Variants in PPP6R3 observed in about 807,000 individuals in gnomAD.
PPP6R3 encodes protein phosphatase 6 regulatory subunit 3, also known as serine/threonine-protein phosphatase 6 regulatory subunit 3.
PPP6R3 carries 38 observed loss-of-function variants against 110.7 expected under a neutral mutation model. That is an observed-to-expected ratio of 0.34 (90% CI 0.26 to 0.45). The LOEUF (loss-of-function observed/expected upper bound fraction) is 0.45. Ranked by LOEUF, PPP6R3 falls within the 20% of genes least tolerant of loss-of-function variation. PPP6R3 has a pLI of 1.00. For synonymous variants in PPP6R3, 369 were observed against 373.5 expected, an observed-to-expected ratio of 0.99 and a Z score of 0.14; for missense variants, 870 against 1,062.4, an observed-to-expected ratio of 0.82 and a Z score of 2.52.
chr11:68,488,004 C>G (rs1029284817), intron 1 of PPP6R3, among the ~76,000 whole-genome samples: 1 of 152,190 alleles, frequency 6.6e-6, no homozygotes, highest in Non-Finnish European at 1.5e-5. Context: ...TTCTCCCTTG[C>G]AGTTCTATCA....
chr11:68,546,496 C>G (rs564074095), intron 4 of PPP6R3, among the ~76,000 whole-genome samples: 2 of 152,222 alleles, frequency 1.3e-5, no homozygotes, highest in Non-Finnish European at 2.9e-5. Context: ...TTGCTTGTTA[C>G]ACTTCCCTGT....
intron 1 of PPP6R3, among the ~76,000 whole-genome samples, chr11:68,509,498 C>G (rs980318329): frequency 7.7e-6 from 1 of 129,626 alleles, no homozygotes; most frequent in Non-Finnish European, 1.7e-5. Flanking sequence ...TTACCAAGTC[C>G]TGCTTAATTT....
At chr11:68,599,941 G>A (rs1211711998) in intron 19 of PPP6R3, among the ~76,000 whole-genome samples, 1 of 152,154 alleles carries the variant, frequency 6.6e-6, no homozygotes, top group Admixed American at 6.5e-5. Context: ...GGCTAACACA[G>A]TGAAACCTGT....
At chr11:68,557,527 T>C (rs1260942581) in intron 7 of PPP6R3, among the ~76,000 whole-genome samples, 1 of 152,182 alleles carries the variant, frequency 6.6e-6, no homozygotes, top group African/African-American at 2.4e-5. Flanking sequence ...TTTTTCTTTT[T>C]TCTTTTTTTG....
intron 1 of PPP6R3, among the ~76,000 whole-genome samples, chr11:68,482,596 C>T (rs1232520421): frequency 6.6e-6 from 1 of 151,914 alleles, no homozygotes; most frequent in Non-Finnish European, 1.5e-5. Flanking sequence ...GAAGTCTTGA[C>T]TGTAGAGGTA....
intron 14 of PPP6R3, among the ~76,000 whole-genome samples, chr11:68,577,565 G>A (rs2099536714): frequency 6.6e-6 from 1 of 152,082 alleles, no homozygotes; most frequent in Non-Finnish European, 1.5e-5. Flanking sequence ...TTTATCTTAG[G>A]TAACTCAAGC....
chr11:68,561,393 G>A (rs144290029), intron 8 of PPP6R3, among the ~76,000 whole-genome samples: 1 of 152,242 alleles, frequency 6.6e-6, no homozygotes, highest in East Asian at 1.9e-4. Flanking sequence ...ACCTCGCCCA[G>A]CTTTCTCTGA....
At chr11:68,547,977 A>T in intron 4 of PPP6R3, 90 bp from the exon 5 acceptor site, 1 of 1,315,080 alleles carries the variant, frequency 7.6e-7, no homozygotes, top group South Asian at 1.6e-5. Flanking sequence ...GTAGTGGTAG[A>T]ATTTGGAGGA....
At chr11:68,501,168 T>C (rs948708219) in intron 1 of PPP6R3, among the ~76,000 whole-genome samples, 1 of 152,234 alleles carries the variant, frequency 6.6e-6, no homozygotes, top group Non-Finnish European at 1.5e-5. Flanking sequence ...ATGAACAATA[T>C]GTTAAGGGTT....
chr11:68,598,620 C>T (rs3758644), intron 19 of PPP6R3, among the ~76,000 whole-genome samples: 8,571 of 152,258 alleles, frequency 0.056, 256 homozygotes, highest in Middle Eastern at 0.13. Flanking sequence ...GCCATTCCAC[C>T]AGTCTCTGTG....
chr11:68,614,970 C>A lies in PPP6R3; in HGVS notation c.*1853C>A, dbSNP rs1443333190. ...GCACACGTGGCCTCCGTGGTATGGA[C>A]CTGGTGGCTTCTCCATCCCACTGTG... is the stretch of plus-strand genomic sequence containing the variant. On this transcript the variant is annotated 3_prime_UTR_variant, in exon 24 of 24. Transcript: ENST00000393800. The A allele has an allele frequency of 6.8e-6, 4 of 585,806 alleles. No homozygotes were observed. Among genetic ancestry groups the A allele is most frequent in the Non-Finnish European group, 1.3e-5 (4 of 310,946 alleles). The allele number at this position is 585,806 out of a possible 1,614,324, so 36.3% of individuals were successfully genotyped here.
intron 7 of PPP6R3, among the ~76,000 whole-genome samples, chr11:68,555,041 T>TA (rs1593054945): frequency 1.3e-5 from 2 of 152,192 alleles, no homozygotes; most frequent in East Asian, 3.8e-4. Flanking sequence ...TTCCTGGACA[T>TA]ATGTAAGACA....
chr11:68,614,687 C>G lies in PPP6R3; in HGVS notation c.*1570C>G, dbSNP rs1944879587. The G allele has an allele frequency of 1.3e-6, 2 of 1,524,176 alleles. No homozygotes were observed. The highest frequency in any genetic ancestry group is 2.5e-5 in the South Asian group (2 of 79,362). The allele number at this position is 1,524,176 out of a possible 1,614,324, so 94.4% of individuals were successfully genotyped here. A position where few individuals can be genotyped will look rare whatever the true frequency, so the allele number is the denominator to read the frequency against. ...GTGGAGTCAGCAGTAAGCCCTGGGA[C>G]AGGTGGCAAGGGTGGGTCCCTTGAC... is the stretch of plus-strand genomic sequence containing the variant. On this transcript the variant is annotated 3_prime_UTR_variant, in exon 24 of 24. Coordinates refer to ENST00000393800, the MANE Select transcript of PPP6R3 (RefSeq NM_001164161.2).
At chr11:68,566,230 C>T (rs1017230530) in intron 9 of PPP6R3, among the ~76,000 whole-genome samples, 1 of 149,456 alleles carries the variant, frequency 6.7e-6, no homozygotes, top group Admixed American at 6.7e-5. Flanking sequence ...ACCACCACCA[C>T]CACCACGGCT....
At chr11:68,478,647 G>GTTTTTCTTTTTTTTTTTTTT (rs2098860647) in intron 1 of PPP6R3, among the ~76,000 whole-genome samples, 1 of 50,506 alleles carries the variant, frequency 2.0e-5, no homozygotes. Context: ...CACTTGGTAA[G>GTTTTTCTTTTTTTTTTTTTT]TTTTTTTTTT....
rs776169303 is a variant in PPP6R3 at position 68,537,659 on chromosome 11, A to G, written c.-6A>G. ...GAAATACTTTCTGCATTTTGTTTAGACCAGCATGTTTTGGAAATTTGATCT... is the reference window on the plus strand; with the variant it reads ...GAAATACTTTCTGCATTTTGTTTAGGCCAGCATGTTTTGGAAATTTGATCT... On this transcript the variant is annotated splice_region_variant and 5_prime_UTR_variant, in exon 3 of 24. Coordinates refer to ENST00000393800, the MANE Select transcript of PPP6R3 (RefSeq NM_001164161.2). 6.4e-7 allele frequency: 1 copy of G among 1,551,750 alleles called. No individual in the cohort carries two copies. The highest frequency in any genetic ancestry group is 8.8e-7 in the Non-Finnish European group (1 of 1,134,290).
At chr11:68,489,934 T>C (rs1039358577) in intron 1 of PPP6R3, among the ~76,000 whole-genome samples, 20 of 152,220 alleles carry the variant, frequency 1.3e-4, no homozygotes, top group African/African-American at 3.4e-4. Flanking sequence ...ATTTTACTTA[T>C]AAGCACGCAT....
At chr11:68,593,174 G>C (rs1200078687) in intron 18 of PPP6R3, among the ~76,000 whole-genome samples, 3 of 151,248 alleles carry the variant, frequency 2.0e-5, no homozygotes, top group African/African-American at 7.3e-5. Context: ...ATGATCTTTT[G>C]TAATACCTTC....
At chr11:68,468,206 G>T (rs1405288181) in intron 1 of PPP6R3, among the ~76,000 whole-genome samples, 2 of 152,230 alleles carry the variant, frequency 1.3e-5, no homozygotes, top group Non-Finnish European at 1.5e-5. Context: ...TGTTTCAAGA[G>T]TGACATCACA....
Sources: gnomAD v4.1 joint callset for allele counts (sites outside exome capture counted in the v4.1 genomes callset) on GRCh38, gnomAD v4.1.1 for gene constraint, MANE v1.5 for transcripts, NCBI Gene and HGNC (gene_info 2026-07-23, HGNC 2026-07-21) for gene names.